The following DENND1A variants were observed in gnomAD, a reference collection of about 807,000 sequenced individuals.
The protein encoded by DENND1A is DENN domain containing 1A, also known as DENN domain-containing protein 1A.
A neutral mutation model predicts 113.7 loss-of-function variants in DENND1A; 51 were observed. The ratio of observed to expected loss-of-function variants is 0.45; its 90% CI spans 0.36 to 0.57. The LOEUF (loss-of-function observed/expected upper bound fraction) is 0.57, where lower values mean the gene tolerates loss of function less well. Ranked by LOEUF, DENND1A falls within the 20% of genes least tolerant of loss-of-function variation. The pLI is 0.00. For missense variants in DENND1A, 1,258 were observed against 1,395.9 expected (o/e 0.90, Z 1.57); for synonymous variants, 565 against 570.8 (o/e 0.99, Z 0.14).
intron 11 of DENND1A, among the ~76,000 whole-genome samples, chr9:123,608,567 A>C (rs2060273477): frequency 6.6e-6 from 1 of 152,224 alleles, no homozygotes. Context: ...ACACTTACAA[A>C]AGCACAGAAA....
chr9:123,585,627 C>T (rs965549243), intron 11 of DENND1A, among the ~76,000 whole-genome samples: 1 of 152,202 alleles, frequency 6.6e-6, no homozygotes, highest in Non-Finnish European at 1.5e-5. Context: ...CAGGAAGGTA[C>T]AAAAACAGCA....
chr9:123,513,052 G>C lies in DENND1A; in HGVS notation c.993+44518C>G, dbSNP rs147474219. The stretch of plus-strand genomic sequence containing the variant: ...TAGCTCTTCTCTGAATATGCTATAG[G>C]AATGTGGATCGTTCAAGTTGATTAC... On this transcript the variant is annotated intron_variant, in intron 13 of 23. Coordinates refer to ENST00000394215, the MANE Select transcript of DENND1A (RefSeq NM_001352964.2). 1.7e-4 allele frequency among the ~76,000 whole-genome samples: 26 copies of C among 152,332 alleles called. No homozygotes were observed. The East Asian group carries it at 4.6e-3, about 27-fold the overall frequency.
chr9:123,440,929 T>C (rs976181995), intron 18 of DENND1A, among the ~76,000 whole-genome samples: 3 of 152,252 alleles, frequency 2.0e-5, no homozygotes, highest in Non-Finnish European at 4.4e-5. Flanking sequence ...TGAATGCATA[T>C]TTCATTGAGC....
intron 13 of DENND1A, among the ~76,000 whole-genome samples, chr9:123,527,688 C>T (rs1027103469): frequency 2.0e-5 from 3 of 152,188 alleles, no homozygotes; most frequent in Non-Finnish European, 1.5e-5. Flanking sequence ...CTATGCTTGT[C>T]ATTTTCTGCA....
rs371628023 is a variant in DENND1A, at chr9:123,856,474, G to A, written c.88+22477C>T. 8.5e-5 allele frequency among the ~76,000 whole-genome samples: 13 copies of A among 152,308 alleles called. No homozygotes were observed. In the East Asian group the frequency reaches 2.5e-3, roughly 29 times the overall value. On this transcript the variant is annotated intron_variant, in intron 2 of 23. Transcript: ENST00000394215. The stretch of plus-strand genomic sequence containing the variant: ...AGGGAACAGCTGCATGGCAGGGGGT[G>A]TCAGTGTCAACGCAGTTTGAGAAGC...
intron 1 of DENND1A, among the ~76,000 whole-genome samples, chr9:123,882,222 C>T (rs1219820367): frequency 2.0e-5 from 3 of 151,356 alleles, no homozygotes; most frequent in Admixed American, 6.6e-5. Context: ...CTGGGCCAGG[C>T]ATGGTGGGGG....
At chr9:123,811,007 C>T (rs1185346991) in intron 2 of DENND1A, among the ~76,000 whole-genome samples, 7 of 152,148 alleles carry the variant, frequency 4.6e-5, no homozygotes, top group Admixed American at 6.5e-5. Flanking sequence ...GATGCACCCA[C>T]CTCGGCCTCC....
intron 13 of DENND1A, among the ~76,000 whole-genome samples, chr9:123,550,127 T>C (rs1031698949): frequency 1.3e-5 from 2 of 152,222 alleles, no homozygotes; most frequent in Admixed American, 6.5e-5. Flanking sequence ...TGGATAAATA[T>C]GACTCAGCAG....
chr9:123,720,468 T>G (rs1447558508), intron 5 of DENND1A, among the ~76,000 whole-genome samples: 1 of 152,196 alleles, frequency 6.6e-6, no homozygotes, highest in African/African-American at 2.4e-5. Context: ...GGCCTGCGAC[T>G]TCAAATGTAA....
chr9:123,838,303 A>G (rs985890589), intron 2 of DENND1A, among the ~76,000 whole-genome samples: 5 of 152,186 alleles, frequency 3.3e-5, no homozygotes, highest in African/African-American at 1.2e-4. Flanking sequence ...AATAAGAAAA[A>G]ATACACACAT....
At chr9:123,721,324 C>T (rs1355663666) in intron 5 of DENND1A, among the ~76,000 whole-genome samples, 1 of 152,240 alleles carries the variant, frequency 6.6e-6, no homozygotes, top group African/African-American at 2.4e-5. Context: ...TCCAGGCATA[C>T]TGAATGCTCC....
At chr9:123,861,668 A>C (rs1845071145) in intron 2 of DENND1A, among the ~76,000 whole-genome samples, 1 of 152,178 alleles carries the variant, frequency 6.6e-6, no homozygotes, top group South Asian at 2.1e-4. Context: ...ATAGAAGAAA[A>C]ATCTTATCAA....
chr9:123,642,109 CTG>C (rs1410868207), intron 9 of DENND1A, among the ~76,000 whole-genome samples: 1 of 152,230 alleles, frequency 6.6e-6, no homozygotes, highest in Admixed American at 6.5e-5. Flanking sequence ...TGTTGATACT[CTG>C]TATTACAGAG....
intron 5 of DENND1A, among the ~76,000 whole-genome samples, chr9:123,707,072 G>C (rs778354247): frequency 6.6e-6 from 1 of 152,022 alleles, no homozygotes; most frequent in Non-Finnish European, 1.5e-5. Context: ...GACACTGGGT[G>C]CAATGAAGGG....
At chr9:123,675,398 T>G (rs2064015072) in intron 6 of DENND1A, among the ~76,000 whole-genome samples, 1 of 152,152 alleles carries the variant, frequency 6.6e-6, no homozygotes, top group African/African-American at 2.4e-5. Context: ...AGAGCTTACA[T>G]TAAATGAATC....
chr9:123,841,318 A>G (rs544763177), intron 2 of DENND1A, among the ~76,000 whole-genome samples: 1 of 152,242 alleles, frequency 6.6e-6, no homozygotes, highest in African/African-American at 2.4e-5. Flanking sequence ...AAAAAATTAT[A>G]AATTCAATAA....
chr9:123,588,640 G>GGGGC (rs2059312731), intron 11 of DENND1A, among the ~76,000 whole-genome samples: 1 of 131,636 alleles, frequency 7.6e-6, no homozygotes, highest in Non-Finnish European at 1.6e-5. Context: ...AAAAGGGGGG[G>GGGGC]GGGGAAGAGA....
intron 21 of DENND1A, chr9:123,401,430 C>A: frequency 9.6e-7 from 1 of 1,038,414 alleles, no homozygotes; most frequent in Non-Finnish European, 1.2e-6. Flanking sequence ...AGAACAACTT[C>A]CCCTTCCTCG....
chr9:123,382,252 C>A lies in DENND1A; in HGVS notation c.2393G>T (p.Arg798Leu), dbSNP rs770939915. ...TCGCCTGTCCCGATCCGTCTGCAGC[C>A]GCTCTGAGACGTCACCAAGTGCGGC... ...AGAALGDVSE[R>L]LQTDRDRRAA... Residue 798 changes from arginine (R) to leucine (L), a missense_variant, in exon 24 of 24, where the codon CGG (arginine) becomes CTG (leucine). Coordinates refer to ENST00000394215, the MANE Select transcript of DENND1A (RefSeq NM_001352964.2). 4 of 1,610,078 alleles carry A rather than the reference C, an allele frequency of 2.5e-6. No homozygotes were observed. The highest frequency in any genetic ancestry group is 3.3e-5 in the Admixed American group (2 of 59,872).
Sources: gnomAD v4.1 joint callset for allele counts (sites outside exome capture counted in the v4.1 genomes callset) on GRCh38, gnomAD v4.1.1 for gene constraint, MANE v1.5 for transcripts, NCBI Gene and HGNC (gene_info 2026-07-23, HGNC 2026-07-21) for gene names.